The following ARB2A variants were observed in gnomAD, a reference collection of about 807,000 sequenced individuals.
The protein encoded by ARB2A is cotranscriptional regulator ARB2A.
At chr5:93,817,209 GAAAAT>G in the ARB2A span, among the ~76,000 whole-genome samples, 6 of 151,938 alleles carry the variant, frequency 3.9e-5, no homozygotes, top group South Asian at 2.1e-4. Flanking sequence ...TACTGAATAT[GAAAAT>G]AAAATAAACA....
At chr5:93,835,971 C>T in the ARB2A span, among the ~76,000 whole-genome samples, 1 of 152,058 alleles carries the variant, frequency 6.6e-6, no homozygotes, top group African/African-American at 2.4e-5. Flanking sequence ...ATGGAGGATG[C>T]AAAAATGTAA....
At chr5:93,854,912 T>G in the ARB2A span, among the ~76,000 whole-genome samples, 1 of 152,160 alleles carries the variant, frequency 6.6e-6, no homozygotes, top group African/African-American at 2.4e-5. Flanking sequence ...CATGCTGCAG[T>G]GCTGAAAAAA....
chr5:94,107,883 C>G, the ARB2A span, among the ~76,000 whole-genome samples: 1 of 152,156 alleles, frequency 6.6e-6, no homozygotes, highest in African/African-American at 2.4e-5. Flanking sequence ...TGAGATGAAG[C>G]TGGTGATTTG....
the ARB2A span, among the ~76,000 whole-genome samples, chr5:93,836,533 T>A: frequency 6.6e-6 from 1 of 152,228 alleles, no homozygotes; most frequent in African/African-American, 2.4e-5. Context: ...AACAAAACAT[T>A]TAAAAGAACA....
chr5:93,778,388 T>C, the ARB2A span, among the ~76,000 whole-genome samples: 1 of 152,192 alleles, frequency 6.6e-6, no homozygotes, highest in Admixed American at 6.5e-5. Flanking sequence ...TTGTAAGAAA[T>C]AAGTATTCTC....
the ARB2A span, chr5:93,733,942 C>T: frequency 2.0e-5 from 3 of 152,096 alleles, no homozygotes; most frequent in Non-Finnish European, 2.9e-5. Flanking sequence ...AGAAGAAAGG[C>T]ATAAACAAAA....
the ARB2A span, among the ~76,000 whole-genome samples, chr5:93,831,165 C>G: frequency 1.3e-5 from 2 of 152,022 alleles, no homozygotes; most frequent in Admixed American, 6.6e-5. Flanking sequence ...CCTGTTCAGC[C>G]CAGTTCCTAA....
the ARB2A span, among the ~76,000 whole-genome samples, chr5:93,774,368 C>A: frequency 6.6e-6 from 1 of 152,192 alleles, no homozygotes; most frequent in African/African-American, 2.4e-5. Context: ...GGATGACATG[C>A]GTGTCAAAAG....
the ARB2A span, among the ~76,000 whole-genome samples, chr5:93,979,424 C>T: frequency 6.6e-5 from 10 of 151,730 alleles, no homozygotes; most frequent in Non-Finnish European, 1.0e-4. Context: ...CAGGTGAAAC[C>T]TATATATTGA....
chr5:93,700,167 G>A, the ARB2A span, among the ~76,000 whole-genome samples: 2 of 151,994 alleles, frequency 1.3e-5, no homozygotes, highest in African/African-American at 4.8e-5. Flanking sequence ...AATATTCTTA[G>A]CAGAAAGCCA....
chr5:93,921,786 C>T, the ARB2A span, among the ~76,000 whole-genome samples: 1 of 152,110 alleles, frequency 6.6e-6, no homozygotes, highest in African/African-American at 2.4e-5. Context: ...TTTGGTTGTA[C>T]AACAAGAAGT....
the ARB2A span, among the ~76,000 whole-genome samples, chr5:93,660,953 G>A: frequency 9.1e-3 from 1,382 of 152,200 alleles, 28 homozygotes; most frequent in East Asian, 0.022. Context: ...TGTTCTAGAG[G>A]GAGAGCTGGG....
At chr5:93,816,004 T>A in the ARB2A span, among the ~76,000 whole-genome samples, 1 of 152,212 alleles carries the variant, frequency 6.6e-6, no homozygotes, top group African/African-American at 2.4e-5. Context: ...CTTCCACTCT[T>A]GTTCTCTCAA....
chr5:93,828,922 G>A, the ARB2A span, among the ~76,000 whole-genome samples: 1 of 152,058 alleles, frequency 6.6e-6, no homozygotes, highest in Non-Finnish European at 1.5e-5. Flanking sequence ...GGTTACAGGT[G>A]CATGCCACCA....
the ARB2A span, among the ~76,000 whole-genome samples, chr5:93,858,006 C>G: frequency 0.018 from 2,814 of 152,306 alleles, 44 homozygotes; most frequent in Non-Finnish European, 0.027. Context: ...TTTAGTCATA[C>G]TAATGGCTAT....
chr5:93,910,694 GCT>G, the ARB2A span: 1 of 151,368 alleles, frequency 6.6e-6, no homozygotes, highest in Non-Finnish European at 1.5e-5. Flanking sequence ...TAGCACAAAA[GCT>G]CTTTCTTTAA....
chr5:93,646,883 G>A, the ARB2A span, among the ~76,000 whole-genome samples: 1 of 151,962 alleles, frequency 6.6e-6, no homozygotes, highest in African/African-American at 2.4e-5. Context: ...AAGAATAATA[G>A]TTACCACTTG....
chr5:93,656,068 C>G, the ARB2A span, among the ~76,000 whole-genome samples: 2 of 152,152 alleles, frequency 1.3e-5, no homozygotes, highest in African/African-American at 2.4e-5. Flanking sequence ...TAGAAGAGTG[C>G]CTCACACAGA....
the ARB2A span, among the ~76,000 whole-genome samples, chr5:94,025,434 C>T: frequency 6.6e-6 from 1 of 152,184 alleles, no homozygotes; most frequent in South Asian, 2.1e-4. Flanking sequence ...AGTACCCGAC[C>T]CTTTTAACTT....
Sources: gnomAD v4.1 joint callset for allele counts (sites outside exome capture counted in the v4.1 genomes callset) on GRCh38, gnomAD v4.1.1 for gene constraint, MANE v1.5 for transcripts, NCBI Gene and HGNC (gene_info 2026-07-23, HGNC 2026-07-21) for gene names.